Variants in ARHGAP44 observed in about 807,000 individuals in gnomAD.
ARHGAP44 encodes the protein rho GTPase-activating protein 44.
In ARHGAP44, 43 loss-of-function variants were observed where a neutral mutation model predicts 106.8. The observed-to-expected ratio is 0.40, with a 90% CI of 0.32 to 0.52. ARHGAP44 has a LOEUF of 0.52. Among genes scored for constraint, ARHGAP44 ranks in the 20% least tolerant of loss-of-function variants. The pLI, the probability that ARHGAP44 is intolerant of heterozygous loss-of-function variation, is 0.48. For synonymous variants in ARHGAP44, 439 were observed against 410.3 expected (o/e 1.07, Z -0.85); for missense variants, 866 against 1,050.5 (o/e 0.82, Z 2.43).
chr17:12,991,571 AGTT>A lies in ARHGAP44; in HGVS notation c.*1404_*1406del, dbSNP rs760564424. 2.0e-4 allele frequency: 36 copies of A among 178,134 alleles called. No individual in the cohort carries two copies. Among genetic ancestry groups the A allele is most frequent in the Admixed American group, 4.4e-4 (7 of 15,806 alleles). 11.0% of individuals were successfully genotyped at this position (178,134 alleles called of 1,614,324 possible). A position where few individuals can be genotyped will look rare whatever the true frequency, so the allele number is the denominator to read the frequency against. Reference sequence around the variant, plus strand: ...GTCTGGGGTAAGGGTGGGGGTTGAAAGTTGTTATCTTTAAATACATGTACAAAT... The same window carrying A: ...GTCTGGGGTAAGGGTGGGGGTTGAAAGTTATCTTTAAATACATGTACAAAT... On this transcript the variant is annotated 3_prime_UTR_variant, in exon 21 of 21. Coordinates refer to ENST00000379672, the MANE Select transcript of ARHGAP44 (RefSeq NM_014859.6).
chr17:12,922,360 GCTATTACCT>G (rs1405014902), intron 6 of ARHGAP44, among the ~76,000 whole-genome samples: 1 of 152,202 alleles, frequency 6.6e-6, no homozygotes, highest in Non-Finnish European at 1.5e-5. Context: ...GTACTGATTT[GCTATTACCT>G]CTATGACCTT....
intron 5 of ARHGAP44, among the ~76,000 whole-genome samples, chr17:12,919,258 T>G (rs1446683473): frequency 6.6e-6 from 1 of 152,168 alleles, no homozygotes; most frequent in East Asian, 1.9e-4. Context: ...ACCTGAAATA[T>G]ATACAATTCC....
chr17:12,854,919 T>C (rs147065371), intron 1 of ARHGAP44, among the ~76,000 whole-genome samples: 41 of 146,722 alleles, frequency 2.8e-4, no homozygotes, highest in African/African-American at 1.0e-3. Flanking sequence ...GATCATGCCA[T>C]TGTACTCCAG....
At chr17:12,835,564 A>G (rs907325090) in intron 1 of ARHGAP44, among the ~76,000 whole-genome samples, 10 of 152,192 alleles carry the variant, frequency 6.6e-5, no homozygotes, top group Non-Finnish European at 1.2e-4. Context: ...AGATTTCATA[A>G]GAAAGCATTA....
chr17:12,934,204 G>A (rs1282121393), intron 7 of ARHGAP44, among the ~76,000 whole-genome samples: 2 of 152,046 alleles, frequency 1.3e-5, no homozygotes, highest in Non-Finnish European at 2.9e-5. Flanking sequence ...ATTTAGCCTT[G>A]TCCTCTCTCT....
chr17:12,842,017 G>T (rs747286986), intron 1 of ARHGAP44, among the ~76,000 whole-genome samples: 1 of 152,086 alleles, frequency 6.6e-6, no homozygotes, highest in Non-Finnish European at 1.5e-5. Flanking sequence ...CATGACCTCT[G>T]AGGTAAGGAG....
intron 19 of ARHGAP44, among the ~76,000 whole-genome samples, chr17:12,984,292 A>T: frequency 6.6e-6 from 1 of 151,816 alleles, no homozygotes; most frequent in Admixed American, 6.6e-5. Flanking sequence ...AGAGGAGGAA[A>T]AATTAGTTAA....
chr17:12,925,049 G>A (rs1038953454), intron 6 of ARHGAP44, among the ~76,000 whole-genome samples: 3 of 152,002 alleles, frequency 2.0e-5, no homozygotes, highest in Non-Finnish European at 4.4e-5. Flanking sequence ...GTGGAGTCTC[G>A]ATGGCCATCA....
Position 12,980,012 on chromosome 17 carries a change from C to T in ARHGAP44, c.1764-46C>T, listed in dbSNP as rs372131926. On this transcript the variant is annotated intron_variant, in intron 18 of 20. Transcript: ENST00000379672. ...CATCGGCAAGGCTGGTGCTGCCGCT[C>T]ACTGAGTTCAGGGCTTTTCTTTTGT... 9.4e-4 allele frequency: 1,448 copies of T among 1,539,432 alleles called. 1 individual carries two copies. The highest frequency in any genetic ancestry group is 1.2e-3 in the Non-Finnish European group (1,396 of 1,142,624).
intron 1 of ARHGAP44, among the ~76,000 whole-genome samples, chr17:12,849,589 T>TC (rs1799562110): frequency 7.5e-6 from 1 of 134,218 alleles, no homozygotes; most frequent in Non-Finnish European, 1.5e-5. Context: ...TTTTTTTTTT[T>TC]TTTTTGCTTG....
At chr17:12,831,891 C>T (rs1019525859) in intron 1 of ARHGAP44, among the ~76,000 whole-genome samples, 1 of 152,088 alleles carries the variant, frequency 6.6e-6, no homozygotes, top group Non-Finnish European at 1.5e-5. Flanking sequence ...AGGGATGAGA[C>T]CGTGACCTGT....
At chr17:12,817,099 A>G (rs1392279842) in intron 1 of ARHGAP44, among the ~76,000 whole-genome samples, 2 of 152,132 alleles carry the variant, frequency 1.3e-5, no homozygotes, top group Non-Finnish European at 2.9e-5. Context: ...TTCAACTAGA[A>G]ATCTGTAACA....
intron 1 of ARHGAP44, among the ~76,000 whole-genome samples, chr17:12,801,791 G>A (rs1170719526): frequency 1.3e-5 from 2 of 151,942 alleles, no homozygotes; most frequent in African/African-American, 2.4e-5. Context: ...AGCATAAAAT[G>A]TTATCTCTGG....
intron 1 of ARHGAP44, among the ~76,000 whole-genome samples, chr17:12,844,577 G>T (rs1432773132): frequency 1.3e-5 from 2 of 152,112 alleles, no homozygotes; most frequent in African/African-American, 4.8e-5. Context: ...TCAGCTTCTA[G>T]GGTAGCTTCA....
chr17:12,868,903 A>C (rs1194894367), intron 1 of ARHGAP44, among the ~76,000 whole-genome samples: 1 of 151,378 alleles, frequency 6.6e-6, no homozygotes, highest in Non-Finnish European at 1.5e-5. Flanking sequence ...TGATCCACCC[A>C]CCTTGGCCTC....
intron 18 of ARHGAP44, among the ~76,000 whole-genome samples, chr17:12,975,269 C>T (rs1335912887): frequency 6.6e-6 from 1 of 152,090 alleles, no homozygotes; most frequent in Non-Finnish European, 1.5e-5. Context: ...TTGAAGTTTA[C>T]AATTTCTGTG....
intron 1 of ARHGAP44, among the ~76,000 whole-genome samples, chr17:12,816,525 T>C (rs2034601850): frequency 6.6e-6 from 1 of 152,232 alleles, no homozygotes; most frequent in Non-Finnish European, 1.5e-5. Flanking sequence ...TGATTGTTTA[T>C]GTAAACTAAA....
At chr17:12,919,575 G>A (rs3826375) in intron 5 of ARHGAP44, among the ~76,000 whole-genome samples, 180 bp from the exon 6 acceptor site, 29,725 of 151,890 alleles carry the variant, frequency 0.2, 4,654 homozygotes, top group East Asian at 0.43. Flanking sequence ...TAGTAGAGTC[G>A]GAGTTTCGCC....
chr17:12,892,712 G>A (rs931505807), intron 1 of ARHGAP44, among the ~76,000 whole-genome samples: 1 of 151,210 alleles, frequency 6.6e-6, no homozygotes, highest in African/African-American at 2.4e-5. Flanking sequence ...TGTTCAGATT[G>A]GAAAATTGCT....
Sources: gnomAD v4.1 joint callset for allele counts (sites outside exome capture counted in the v4.1 genomes callset) on GRCh38, gnomAD v4.1.1 for gene constraint, MANE v1.5 for transcripts, NCBI Gene and HGNC (gene_info 2026-07-23, HGNC 2026-07-21) for gene names.